The following GRIN2A variants were observed in gnomAD, a reference collection of about 807,000 sequenced individuals.
GRIN2A encodes the protein glutamate receptor ionotropic, NMDA 2A.
GRIN2A carries 22 observed loss-of-function variants against 113.4 expected under a neutral mutation model. The ratio of observed to expected loss-of-function variants is 0.19; its 90% CI spans 0.14 to 0.28. GRIN2A has a LOEUF of 0.28. Ranked by LOEUF, GRIN2A falls within the 10% of genes least tolerant of loss-of-function variation. GRIN2A has a pLI of 1.00. For synonymous variants in GRIN2A, 827 were observed against 738.4 expected (o/e 1.12, Z -1.94); for missense variants, 1,502 against 1,887.0 (o/e 0.80, Z 3.78).
rs560870368 is a variant in GRIN2A, at chr16:10,053,378, C to A, written c.415-114827G>T. 7.2e-5 allele frequency among the ~76,000 whole-genome samples: 11 copies of A among 152,324 alleles called. No homozygotes were observed. In the South Asian group the frequency reaches 2.3e-3, roughly 32 times the overall value. On this transcript the variant is annotated intron_variant, in intron 2 of 12. Coordinates refer to ENST00000330684, the MANE Select transcript of GRIN2A (RefSeq NM_001134407.3). ...AGAATCTAATCTTGTCTATTCTTCA[C>A]AACAACCCTCTATGAATATTCCCAC...
At chr16:10,134,472 T>G (rs376187517) in intron 2 of GRIN2A, among the ~76,000 whole-genome samples, 2 of 110,844 alleles carry the variant, frequency 1.8e-5, no homozygotes, top group Admixed American at 1.2e-4. Flanking sequence ...CACCGGGGCC[T>G]GTCAGGGGGT....
At chr16:9,980,368 A>C (rs139283352) in intron 2 of GRIN2A, among the ~76,000 whole-genome samples, 2,011 of 152,204 alleles carry the variant, frequency 0.013, 43 homozygotes, top group African/African-American at 0.046. Context: ...GAGAAATAGG[A>C]ACACTTTTAC....
rs2141120815 is a variant in GRIN2A at position 9,761,310 on chromosome 16, G to C, written c.*1839C>G. On this transcript the variant is annotated 3_prime_UTR_variant, in exon 13 of 13. Transcript: ENST00000330684. ...AACAGAACGCACACCATGAGGAGAA[G>C]AAATGGGATAATTTTTCAACCTGCC... The C allele has an allele frequency of 4.4e-6, 1 of 229,186 alleles. No homozygotes were observed. Among genetic ancestry groups the C allele is most frequent in the Middle Eastern group, 1.3e-3 (1 of 764 alleles). The allele number at this position is 229,186 out of a possible 1,614,324, so 14.2% of individuals were successfully genotyped here.
At chr16:10,106,295 C>T (rs1362835768) in intron 2 of GRIN2A, among the ~76,000 whole-genome samples, 1 of 150,612 alleles carries the variant, frequency 6.6e-6, no homozygotes, top group Non-Finnish European at 1.5e-5. Flanking sequence ...GGCACAGTGG[C>T]TCACTTCTGT....
chr16:9,946,246 C>G (rs531240327), intron 2 of GRIN2A, among the ~76,000 whole-genome samples: 1 of 152,216 alleles, frequency 6.6e-6, no homozygotes, highest in Non-Finnish European at 1.5e-5. Context: ...GCATCTGACT[C>G]CACGCTTCCA....
rs1379735771 is a variant in GRIN2A at position 9,764,946 on chromosome 16, G to A, written c.2598C>T (p.Gly866=). The A allele has an allele frequency of 6.2e-7, 1 of 1,614,086 alleles. No individual in the cohort carries two copies. Among genetic ancestry groups the A allele is most frequent in the African/African-American group, 1.3e-5 (1 of 75,074 alleles). The change falls in exon 13 of 13, where the codon GGC becomes GGT. Residue 866 remains glycine, a splice_region_variant and synonymous_variant. Coordinates refer to ENST00000330684, the MANE Select transcript of GRIN2A (RefSeq NM_001134407.3). The stretch of plus-strand genomic sequence containing the variant: ...GCACTCCATGAATGCAGCTGTAGAT[G>A]CCCTGTAGGGGAGCAACATAAAGCA... ...RPGLLFSISR[G]IYSCIHGVHI...
intron 2 of GRIN2A, among the ~76,000 whole-genome samples, chr16:10,018,467 A>G (rs2046651486): frequency 6.6e-6 from 1 of 152,216 alleles, no homozygotes; most frequent in Admixed American, 6.5e-5. Context: ...AGGGGAGTCC[A>G]GCAGCTGCGT....
At chr16:9,908,758 T>G (rs1281319857) in intron 3 of GRIN2A, among the ~76,000 whole-genome samples, 2 of 152,110 alleles carry the variant, frequency 1.3e-5, no homozygotes, top group African/African-American at 4.8e-5. Context: ...GTCAGTACGA[T>G]GAGAGCAAGA....
At chr16:9,935,644 T>C (rs2044698057) in intron 3 of GRIN2A, among the ~76,000 whole-genome samples, 5 of 151,586 alleles carry the variant, frequency 3.3e-5, no homozygotes, top group Admixed American at 3.3e-4. Context: ...CAGAGTGACA[T>C]AGTACCCTGC....
At chr16:9,990,148 T>C (rs2046072720) in intron 2 of GRIN2A, among the ~76,000 whole-genome samples, 1 of 151,934 alleles carries the variant, frequency 6.6e-6, no homozygotes, top group Non-Finnish European at 1.5e-5. Context: ...CCATCAACAA[T>C]GGAATGGATA....
In GRIN2A at chr16:9,901,935, G is replaced by A. The variant is rs2043935673; in HGVS notation, c.1008-10835C>T. 2.6e-5 allele frequency among the ~76,000 whole-genome samples: 4 copies of A among 152,294 alleles called. No individual in the cohort carries two copies. In the South Asian group the frequency reaches 8.3e-4, roughly 32 times the overall value. ...TCACTTAAGGATAAGGGACTAAAAT[G>A]TATTTAGCCTCTAATATATGTTGAA... On this transcript the variant is annotated intron_variant, in intron 3 of 12. Coordinates refer to ENST00000330684, the MANE Select transcript of GRIN2A (RefSeq NM_001134407.3).
In GRIN2A at chr16:10,068,657, T is replaced by A. The variant is rs144914273; in HGVS notation, c.414+111341A>T. On this transcript the variant is annotated intron_variant, in intron 2 of 12. Coordinates refer to ENST00000330684, the MANE Select transcript of GRIN2A (RefSeq NM_001134407.3). ...TTCAACGTAAGATTTGGGCAAGACATCCAAACCTTATCAATTCCCCCATGG... is the reference window on the plus strand; with the variant it reads ...TTCAACGTAAGATTTGGGCAAGACAACCAAACCTTATCAATTCCCCCATGG... Among the ~76,000 whole-genome samples, 95 of 152,276 alleles carry A rather than the reference T, an allele frequency of 6.2e-4. 1 individual carries two copies. Among genetic ancestry groups the A allele is most frequent in the African/African-American group, 2.1e-3 (87 of 41,554 alleles).
intron 2 of GRIN2A, among the ~76,000 whole-genome samples, chr16:10,007,790 G>C (rs752696474): frequency 3.3e-4 from 50 of 152,176 alleles, no homozygotes; most frequent in Non-Finnish European, 6.6e-4. Context: ...AGGCTGTGTA[G>C]CTGGAGACAG....
intron 4 of GRIN2A, among the ~76,000 whole-genome samples, chr16:9,852,612 C>T (rs958258059): frequency 2.0e-5 from 3 of 152,188 alleles, no homozygotes; most frequent in African/African-American, 7.2e-5. Context: ...GTAGAGAGAA[C>T]TCGATCAGGA....
At chr16:9,883,171 C>T (rs957058693) in intron 4 of GRIN2A, among the ~76,000 whole-genome samples, 5 of 152,118 alleles carry the variant, frequency 3.3e-5, no homozygotes, top group South Asian at 2.1e-4. Context: ...TAAACAAATA[C>T]CTACTCAGAT....
chr16:10,043,468 C>T (rs2047201505), intron 2 of GRIN2A, among the ~76,000 whole-genome samples: 2 of 152,186 alleles, frequency 1.3e-5, no homozygotes, highest in African/African-American at 4.8e-5. Flanking sequence ...TGGAGCTAAA[C>T]ATTATCCTCT....
intron 3 of GRIN2A, among the ~76,000 whole-genome samples, chr16:9,918,771 ATAT>A (rs950813446): frequency 6.6e-6 from 1 of 152,164 alleles, no homozygotes; most frequent in African/African-American, 2.4e-5. Context: ...AATTAACATA[ATAT>A]TATACATTCA....
intron 2 of GRIN2A, among the ~76,000 whole-genome samples, chr16:9,988,086 T>C (rs892136777): frequency 6.6e-6 from 1 of 152,096 alleles, no homozygotes; most frequent in Non-Finnish European, 1.5e-5. Context: ...AAAGCCCATA[T>C]GGCTTCCACA....
intron 2 of GRIN2A, among the ~76,000 whole-genome samples, chr16:9,944,429 T>C (rs1197679852): frequency 6.6e-6 from 1 of 151,986 alleles, no homozygotes; most frequent in Non-Finnish European, 1.5e-5. Flanking sequence ...TCCCTCCCCC[T>C]TCCTCTGTCA....
Sources: gnomAD v4.1 joint callset for allele counts (sites outside exome capture counted in the v4.1 genomes callset) on GRCh38, gnomAD v4.1.1 for gene constraint, MANE v1.5 for transcripts, NCBI Gene and HGNC (gene_info 2026-07-23, HGNC 2026-07-21) for gene names.